USP9Y: variants seen among roughly 807,000 people sequenced by gnomAD.
USP9Y encodes the protein ubiquitin carboxyl-terminal hydrolase 9Y.
Under a neutral mutation model 53.1 loss-of-function variants are expected in USP9Y, and 41 were observed. The ratio of observed to expected loss-of-function variants is 0.77; its 90% CI spans 0.60 to 1.00. USP9Y has a LOEUF of 1.00. Among genes scored for constraint, USP9Y ranks in the 50% least tolerant of loss-of-function variants. USP9Y has a pLI of 0.00. For missense variants in USP9Y, 567 were observed against 535.8 expected (o/e 1.06, Z -0.58); for synonymous variants, 220 against 173.7 (o/e 1.27, Z -2.09).
intron 38 of USP9Y, 36 bp from the exon 39 acceptor site, chrY:12,843,028 C>A: frequency 2.5e-6 from 1 of 393,664 alleles, no homozygotes. Context: ...GTTTCTGCAT[C>A]TTGATGCTGA....
chrY:12,805,551 CA>C (rs2053523611), intron 27 of USP9Y, among the ~76,000 whole-genome samples: 1 of 32,989 alleles, frequency 3.0e-5, no homozygotes, highest in Non-Finnish European at 7.4e-5. Flanking sequence ...ATTTGGAGGA[CA>C]GGGTTCTTTC....
chrY:12,827,052 G>A, intron 33 of USP9Y, among the ~76,000 whole-genome samples: 1 of 33,164 alleles, frequency 3.0e-5, no homozygotes, highest in African/African-American at 1.2e-4. Flanking sequence ...AAGGATCTAA[G>A]GTTTGTAATA....
chrY:12,754,059 A>G (rs2053466228), intron 12 of USP9Y, among the ~76,000 whole-genome samples: 1 of 31,520 alleles, frequency 3.2e-5, no homozygotes, highest in South Asian at 6.9e-4. Context: ...CTATGTTTAA[A>G]TGTTGCATAT....
chrY:12,821,794 GCTCC>G (rs2053541909), intron 33 of USP9Y, among the ~76,000 whole-genome samples: 3 of 32,208 alleles, frequency 9.3e-5, no homozygotes, highest in African/African-American at 3.7e-4. Flanking sequence ...CTGCAGGAGT[GCTCC>G]ATCAGCACTC....
intron 45 of USP9Y, among the ~76,000 whole-genome samples, chrY:12,858,216 C>T: frequency 9.0e-5 from 3 of 33,488 alleles, no homozygotes; most frequent in Admixed American, 8.2e-4. Context: ...CATTTTAAGG[C>T]CATGGTTCTT....
In USP9Y at chrY:12,810,521, T is replaced by G. The variant is rs2053529061; in HGVS notation, c.4093-151T>G. 1.7e-5 allele frequency: 3 copies of G among 174,099 alleles called. No individual in the cohort carries two copies. The East Asian group carries it at 3.3e-4, about 19-fold the overall frequency. 43.4% of individuals were successfully genotyped at this position (174,099 alleles called of 400,897 possible). A position where few individuals can be genotyped will look rare whatever the true frequency, so the allele number is the denominator to read the frequency against. On this transcript the variant is annotated intron_variant, in intron 28 of 45. Coordinates refer to ENST00000338981, the MANE Select transcript of USP9Y (RefSeq NM_004654.4). Reference sequence around the variant, plus strand: ...TCTATAGATGTACTATATATTTATTTTATGTATATAGTACGTCTGTAGGAA... The same window carrying G: ...TCTATAGATGTACTATATATTTATTGTATGTATATAGTACGTCTGTAGGAA...
At position 12,735,734 on chromosome Y, in the gene USP9Y, T is replaced by A; in HGVS notation, c.773+7T>A. On this transcript the variant is annotated splice_region_variant and intron_variant, in intron 8 of 45. Transcript: ENST00000338981. ...TAATTGCAGCTCTTATTAAGTAAGT[T>A]ATGTTTTCATGTTTGTTAAATAATT... 1 of 330,973 alleles carries A rather than the reference T, an allele frequency of 3.0e-6. No homozygotes were observed. The highest frequency in any genetic ancestry group is 4.5e-6 in the Non-Finnish European group (1 of 224,145). 82.6% of individuals were successfully genotyped at this position (330,973 alleles called of 400,897 possible). A position where few individuals can be genotyped will look rare whatever the true frequency, so the allele number is the denominator to read the frequency against.
chrY:12,829,635 C>T (rs2053549418), intron 33 of USP9Y, among the ~76,000 whole-genome samples: 1 of 33,099 alleles, frequency 3.0e-5, no homozygotes, highest in African/African-American at 1.2e-4. Flanking sequence ...CTTCCAAAGA[C>T]GACATTAGGA....
chrY:12,758,509 C>G lies in USP9Y; in HGVS notation c.1633C>G (p.Arg545Gly). 2.6e-6 allele frequency: 1 copy of G among 383,843 alleles called. No homozygotes were observed. Among genetic ancestry groups the G allele is most frequent in the Non-Finnish European group, 3.6e-6 (1 of 274,457 alleles). The change falls in exon 14 of 46, where the codon CGA becomes GGA. Residue 545 changes from arginine (R) to glycine (G), a missense_variant. By Grantham distance (125) the Arg-to-Gly change is moderately radical (BLOSUM62 -2). Transcript: ENST00000338981. ...KILDYSCSQD[R>G]DAQKIQWIDH... ...ATAAATTTTTTTCATGTATAAGGAT[C>G]GAGATGCACAGAAGATCCAGTGGAT...
rs2053534870 is a variant in USP9Y at position 12,814,545 on chromosome Y, A to G, written c.4609+1493A>G. Among the ~76,000 whole-genome samples, 3 of 29,475 alleles carry G rather than the reference A, an allele frequency of 1.0e-4. No individual in the cohort carries two copies. In the East Asian group the frequency reaches 2.5e-3, roughly 25 times the overall value. The allele number at this position is 29,475 out of a possible 37,273, so 79.1% of individuals were successfully genotyped here. The stretch of plus-strand genomic sequence containing the variant: ...TCCGTCTCAAAAAAAAAAAAAAAAA[A>G]AAAAAAAAGAAACACTTGTTTATTT... On this transcript the variant is annotated intron_variant, in intron 31 of 45. Coordinates refer to ENST00000338981, the MANE Select transcript of USP9Y (RefSeq NM_004654.4).
chrY:12,720,905 T>C, intron 4 of USP9Y, 168 bp downstream of exon 4: 1 of 155,753 alleles, frequency 6.4e-6, no homozygotes, highest in Non-Finnish European at 1.2e-5. Flanking sequence ...CTGAACACTT[T>C]GCAGCTCATT....
intron 12 of USP9Y, among the ~76,000 whole-genome samples, chrY:12,740,809 C>T: frequency 9.2e-5 from 3 of 32,700 alleles, no homozygotes; most frequent in Non-Finnish European, 1.5e-4. Context: ...TGCACCAAGA[C>T]AGCCATAATA....
chrY:12,799,274 A>G (rs2053516446), intron 27 of USP9Y, among the ~76,000 whole-genome samples: 1 of 33,038 alleles, frequency 3.0e-5, no homozygotes. Context: ...GCCATCTTGA[A>G]CATGTCTAGT....
chrY:12,849,577 G>T (rs2053570301), intron 42 of USP9Y, among the ~76,000 whole-genome samples: 2 of 28,906 alleles, frequency 6.9e-5, no homozygotes, highest in African/African-American at 2.8e-4. Flanking sequence ...GATATTGGCT[G>T]TGGGTTTGTT....
intron 42 of USP9Y, among the ~76,000 whole-genome samples, chrY:12,854,343 T>A (rs889339143): frequency 5.0e-4 from 17 of 34,091 alleles, no homozygotes; most frequent in Non-Finnish European, 1.1e-3. Flanking sequence ...GGGTTCCAAT[T>A]TTTATTTAAA....
rs763660610 is a variant in USP9Y at position 12,756,490 on chromosome Y, C to G, written c.1423-702C>G. On this transcript the variant is annotated intron_variant, in intron 12 of 45. Transcript: ENST00000338981. ...AATAAAAGAAAATTCTGGGAATTCACTACCTTCTTGTTCCTTATATTTAGA... is the reference window on the plus strand; with the variant it reads ...AATAAAAGAAAATTCTGGGAATTCAGTACCTTCTTGTTCCTTATATTTAGA... Among the ~76,000 whole-genome samples, 4 of 33,012 alleles carry G rather than the reference C, an allele frequency of 1.2e-4. No individual in the cohort carries two copies. In the East Asian group the frequency reaches 3.1e-3, roughly 26 times the overall value. The allele number at this position is 33,012 out of a possible 37,273, so 88.6% of individuals were successfully genotyped here.
chrY:12,797,514 T>C (rs2053514843), intron 27 of USP9Y, among the ~76,000 whole-genome samples: 1 of 33,762 alleles, frequency 3.0e-5, no homozygotes. Context: ...AGATAAAAGA[T>C]TGTGGAGACC....
Position 12,833,987 on chromosome Y carries a change from A to C in USP9Y, c.5195+126A>C. The stretch of plus-strand genomic sequence containing the variant: ...AAAGCCTAGGACTATGAATGAATTA[A>C]ATTCATATGCATACTACACTATTCT... On this transcript the variant is annotated intron_variant, in intron 34 of 45. Transcript: ENST00000338981. The C allele has an allele frequency of 6.0e-5, 11 of 183,577 alleles. No individual in the cohort carries two copies. The Admixed American group carries it at 8.3e-4, about 14-fold the overall frequency. 45.8% of individuals were successfully genotyped at this position (183,577 alleles called of 400,897 possible). A position where few individuals can be genotyped will look rare whatever the true frequency, so the allele number is the denominator to read the frequency against.
chrY:12,859,157 T>C, intron 45 of USP9Y, 122 bp from the exon 46 acceptor site: 2 of 202,602 alleles, frequency 9.9e-6, no homozygotes, highest in Non-Finnish European at 1.6e-5. Context: ...AGTTCTTTTT[T>C]TTTTTTTAAA....
Sources: allele counts gnomAD v4.1 joint callset (sites outside exome capture counted in the v4.1 genomes callset), GRCh38; gene constraint gnomAD v4.1.1; transcripts MANE v1.5; gene names NCBI Gene and HGNC (gene_info 2026-07-23, HGNC 2026-07-21).